CFAP97: variants seen among roughly 807,000 people sequenced by gnomAD.
CFAP97 encodes the protein cilia and flagella associated protein 97, also known as cilia- and flagella-associated protein 97.
Under a neutral mutation model 43.1 loss-of-function variants are expected in CFAP97, and 36 were observed. The observed-to-expected ratio is 0.84, with a 90% CI of 0.64 to 1.10. The LOEUF (loss-of-function observed/expected upper bound fraction) is 1.10, where lower values mean the gene tolerates loss of function less well. Ranked by LOEUF, CFAP97 falls within the 50% of genes least tolerant of loss-of-function variation. The probability of loss-of-function intolerance (pLI) is 0.00; values close to 1 mark genes in which losing one functional copy is unlikely to be tolerated. For synonymous variants in CFAP97, 228 were observed against 225.7 expected (o/e 1.01, Z -0.09); for missense variants, 657 against 620.3 (o/e 1.06, Z -0.63).
At chr4:185,209,865 C>G (rs1737460980), upstream of CFAP97, 1 of 983,306 alleles carries the variant, frequency 1.0e-6, no homozygotes, top group Non-Finnish European at 1.2e-6. This position sits in a 1 kb window ranked among gnomAD's most constrained non-coding sequence, Gnocchi z 5.2. Flanking sequence ...GCGCCGGCCC[C>G]AGCCCCGCGC....
intron 2 of CFAP97, among the ~76,000 whole-genome samples, chr4:185,183,275 G>A (rs565197407): frequency 9.2e-5 from 14 of 152,138 alleles, no homozygotes; most frequent in Admixed American, 4.6e-4. Context: ...TGAAGTCCGT[G>A]AAAATGTTTA....
chr4:185,203,666 G>C (rs967340854), intron 1 of CFAP97: 50 of 152,198 alleles, frequency 3.3e-4, no homozygotes, highest in African/African-American at 1.1e-3. Flanking sequence ...GCGCGAGAGG[G>C]CGGGACCCGC....
At chr4:185,180,217 A>G (rs1410942244) in intron 2 of CFAP97, among the ~76,000 whole-genome samples, 2 of 152,164 alleles carry the variant, frequency 1.3e-5, no homozygotes, top group Non-Finnish European at 2.9e-5. Context: ...ATTTAGCATA[A>G]CAGAAACCCT....
intron 1 of CFAP97, among the ~76,000 whole-genome samples, chr4:185,202,406 G>A (rs1260167922): frequency 1.3e-5 from 2 of 152,082 alleles, no homozygotes; most frequent in East Asian, 1.9e-4. Context: ...AAAATTAGCC[G>A]GGCGTTGTAG....
At chr4:185,170,845 T>C (rs1735271614) in intron 3 of CFAP97, among the ~76,000 whole-genome samples, 2 of 150,850 alleles carry the variant, frequency 1.3e-5, no homozygotes, top group Non-Finnish European at 3.0e-5. Context: ...ATTAGCCAGG[T>C]GTGGTGGCAC....
At chr4:185,206,121 C>T (rs1371850409), upstream of CFAP97, among the ~76,000 whole-genome samples, 3 of 152,156 alleles carry the variant, frequency 2.0e-5, no homozygotes, top group Non-Finnish European at 4.4e-5. Context: ...AAAACTTGAA[C>T]ATAGAATTAT....
chr4:185,181,468 G>C (rs1008681552), intron 2 of CFAP97, among the ~76,000 whole-genome samples: 1 of 151,538 alleles, frequency 6.6e-6, no homozygotes, highest in Non-Finnish European at 1.5e-5. Context: ...TGGGATTACA[G>C]GCATGTGCCA....
At chr4:185,178,995 G>A (rs1290737350) in intron 2 of CFAP97, among the ~76,000 whole-genome samples, 3 of 152,018 alleles carry the variant, frequency 2.0e-5, no homozygotes, top group South Asian at 2.1e-4. Flanking sequence ...AGAGAGGGGC[G>A]CTAAAAAAAT....
intron 3 of CFAP97, chr4:185,169,390 C>A (rs1735200437): frequency 6.1e-6 from 1 of 164,030 alleles, no homozygotes; most frequent in African/African-American, 2.4e-5. Context: ...CCTGTGTTCT[C>A]TCTCTATCCT....
At chr4:185,163,917 A>C in intron 4 of CFAP97, 112 bp downstream of exon 4, 1 of 921,748 alleles carries the variant, frequency 1.1e-6, no homozygotes, top group Non-Finnish European at 1.6e-6. Flanking sequence ...GGGAAATAAC[A>C]GAACGCATTC....
chr4:185,169,433 C>T (rs545136889), intron 3 of CFAP97: 3 of 242,298 alleles, frequency 1.2e-5, no homozygotes, highest in Admixed American at 6.5e-5. Flanking sequence ...GCTTCTGCTT[C>T]GCCTTCCAGC....
intron 2 of CFAP97, 58 bp from the exon 3 acceptor site, chr4:185,176,109 C>CTTTTGTT (rs1553970911): frequency 7.3e-5 from 75 of 1,032,854 alleles, no homozygotes; most frequent in African/African-American, 3.3e-4. Flanking sequence ...GTGGTACATG[C>CTTTTGTT]TTTTTTTTTT....
chr4:185,176,440 A>C (rs1227208017), intron 2 of CFAP97, among the ~76,000 whole-genome samples: 1 of 152,138 alleles, frequency 6.6e-6, no homozygotes, highest in Non-Finnish European at 1.5e-5. Flanking sequence ...ACCCTTAAAA[A>C]TATGTATTAA....
chr4:185,191,189 T>G lies in CFAP97; in HGVS notation c.8A>C (p.Gln3Pro), dbSNP rs367817871. Residue 3 changes from glutamine (Q) to proline (P), a missense_variant, in exon 2 of 5, where the codon CAG becomes CCG. Physicochemically the swap from Gln to Pro is moderately conservative, Grantham distance 76 (BLOSUM62 -1). Transcript: ENST00000458385. MD[Q>P]FGDILEGEVD... ...TTCACCTTCTAATATATCTCCAAAC[T>G]GATCCATGATGGCAAAAATATATCT... 1.3e-6 allele frequency: 2 copies of G among 1,534,460 alleles called. No homozygotes were observed. Among genetic ancestry groups the G allele is most frequent in the African/African-American group, 2.8e-5 (2 of 70,798 alleles).
chr4:185,185,591 A>G (rs1476622941), intron 2 of CFAP97, among the ~76,000 whole-genome samples: 1 of 151,532 alleles, frequency 6.6e-6, no homozygotes, highest in Non-Finnish European at 1.5e-5. Flanking sequence ...AGTGATATTA[A>G]CAACTATGAT....
chr4:185,203,967 G>A lies in CFAP97; in HGVS notation c.-86C>T, dbSNP rs921536321. ...CTCCCGCGGCCCTGAACGGGCTCCC[G>A]GCGCCGCGCGCCCGCGCTTCCGGAG... is the stretch of plus-strand genomic sequence containing the variant. On this transcript the variant is annotated 5_prime_UTR_variant, in exon 1 of 5. Coordinates refer to ENST00000458385, the MANE Select transcript of CFAP97 (RefSeq NM_020827.3). 6.6e-6 allele frequency: 1 copy of A among 151,316 alleles called. No homozygotes were observed. Among genetic ancestry groups the A allele is most frequent in the African/African-American group, 2.4e-5 (1 of 41,304 alleles). 9.4% of individuals were successfully genotyped at this position (151,316 alleles called of 1,614,324 possible).
At chr4:185,195,101 GA>G (rs1203017930) in intron 1 of CFAP97, among the ~76,000 whole-genome samples, 2 of 151,978 alleles carry the variant, frequency 1.3e-5, no homozygotes, top group South Asian at 2.1e-4. Context: ...CTATTAAGAG[GA>G]AAATGAATAA....
chr4:185,190,690 A>T lies in CFAP97; in HGVS notation c.507T>A (p.Val169=). ...KKSIRKKYCK[V]SSSSSSSLSS... ...ATAAAGAGGAGGAGGAAGAGGAGCTAACTTTGCAATACTTTTTCCTTATGC... is the reference window on the plus strand; with the variant it reads ...ATAAAGAGGAGGAGGAAGAGGAGCTTACTTTGCAATACTTTTTCCTTATGC... Residue 169 remains valine (V), a synonymous_variant, in exon 2 of 5, where the codon GTT becomes GTA. Transcript: ENST00000458385. 6.4e-7 allele frequency: 1 copy of T among 1,570,490 alleles called. No individual in the cohort carries two copies. Among genetic ancestry groups the T allele is most frequent in the Non-Finnish European group, 8.6e-7 (1 of 1,156,304 alleles).
intron 1 of CFAP97, among the ~76,000 whole-genome samples, chr4:185,203,309 A>T (rs1392173209): frequency 1.3e-5 from 2 of 152,250 alleles, no homozygotes; most frequent in African/African-American, 4.8e-5. Context: ...TAACAAGACT[A>T]ATGCTTTCAC....
Sources: gnomAD v4.1 joint callset for allele counts (sites outside exome capture counted in the v4.1 genomes callset) on GRCh38, gnomAD v4.1.1 for gene constraint, Gnocchi (gnomAD v3.1) non-coding constraint, MANE v1.5 for transcripts, NCBI Gene and HGNC (gene_info 2026-07-23, HGNC 2026-07-21) for gene names.